SOAT1: variants seen among roughly 807,000 people sequenced by gnomAD.
SOAT1 encodes the protein sterol O-acyltransferase 1.
A neutral mutation model predicts 69.5 loss-of-function variants in SOAT1; 55 were observed. The observed-to-expected ratio is 0.79, with a 90% CI of 0.64 to 0.99. The LOEUF is 0.99. SOAT1 is among the 50% of genes least tolerant of loss of function. SOAT1 has a pLI of 0.00. For synonymous variants in SOAT1, 231 were observed against 224.7 expected (o/e 1.03, Z -0.25); for missense variants, 580 against 669.3 (o/e 0.87, Z 1.47).
chr1:179,323,300 T>C (rs149905810), intron 2 of SOAT1, 137 bp from the exon 3 acceptor site: 133 of 619,952 alleles, frequency 2.1e-4, no homozygotes, highest in Middle Eastern at 2.0e-3. Context: ...ATTTTGACCA[T>C]GCTGTCGTGT....
At chr1:179,306,513 A>G (rs1665008618) in intron 2 of SOAT1, among the ~76,000 whole-genome samples, 1 of 152,156 alleles carries the variant, frequency 6.6e-6, no homozygotes, top group African/African-American at 2.4e-5. Context: ...GTATTTGTTA[A>G]TGAGGGTTCC....
intron 12 of SOAT1, among the ~76,000 whole-genome samples, chr1:179,348,474 G>C (rs1446413344): frequency 2.6e-5 from 4 of 152,096 alleles, no homozygotes; most frequent in South Asian, 4.1e-4. Context: ...TGGTCTTCAT[G>C]ACCATAGAAT....
rs764303551 is a variant in SOAT1, at chr1:179,341,046, C to T, written c.516C>T (p.Ser172=). ...IDEGRLVLEF[S]LLSYAFGKFP... ...TCCCCAGGCTGGTGCTTGAGTTCAG[C>T]CTCCTGTCTTATGCTTTTGGCAAAT... is the stretch of plus-strand genomic sequence containing the variant. Residue 172 remains serine (S), a synonymous_variant, in exon 7 of 16, where the codon AGC becomes AGT. Transcript: ENST00000367619. 5.6e-6 allele frequency: 9 copies of T among 1,613,908 alleles called. No individual in the cohort carries two copies. The highest frequency in any genetic ancestry group is 6.8e-6 in the Non-Finnish European group (8 of 1,179,956).
rs143588101 is a variant in SOAT1, at chr1:179,306,729, G to A, written c.118+3927G>A. Among the ~76,000 whole-genome samples the A allele has an allele frequency of 7.1e-3, 1,078 of 151,566 alleles. 12 individuals are homozygous for A. The highest frequency in any genetic ancestry group is 0.024 in the African/African-American group (991 of 41,278). On this transcript the variant is annotated intron_variant, in intron 2 of 15. Transcript: ENST00000367619. The stretch of plus-strand genomic sequence containing the variant: ...CACCAGTAGTCCCAGCTACTGGGAG[G>A]CTGAGGCAGGAGAATGGCGTGAACC...
At position 179,353,577 on chromosome 1, in the gene SOAT1, C is replaced by T; in HGVS notation, c.1597-8C>T. ...TTATTTTTCCATTCTTATTTTTCCC[C>T]ACTGCAGCCCACATTTTTGGATTAT... is the stretch of plus-strand genomic sequence containing the variant. On this transcript the variant is annotated splice_polypyrimidine_tract_variant and splice_region_variant and intron_variant, in intron 15 of 15. Coordinates refer to ENST00000367619, the MANE Select transcript of SOAT1 (RefSeq NM_003101.6). 3.7e-6 allele frequency: 6 copies of T among 1,612,334 alleles called. No homozygotes were observed. Among genetic ancestry groups the T allele is most frequent in the Non-Finnish European group, 5.1e-6 (6 of 1,178,550 alleles).
intron 7 of SOAT1, 173 bp from the exon 8 acceptor site, chr1:179,341,941 C>A: frequency 2.3e-6 from 1 of 441,366 alleles, no homozygotes; most frequent in Non-Finnish European, 3.0e-6. Context: ...TTTGAAATGT[C>A]AGATTCATTG....
chr1:179,351,021 C>CTTTTTTTTTTTTTTTTTTT (rs201449849), intron 14 of SOAT1, among the ~76,000 whole-genome samples: 12 of 127,586 alleles, frequency 9.4e-5, no homozygotes, highest in South Asian at 5.0e-4. Context: ...ATATTTCTTT[C>CTTTTTTTTTTTTTTTTTTT]TTTTTTTTTT....
chr1:179,306,328 GAC>G (rs1437452580), intron 2 of SOAT1, among the ~76,000 whole-genome samples: 1 of 152,158 alleles, frequency 6.6e-6, no homozygotes, highest in Non-Finnish European at 1.5e-5. Context: ...CTCTAAATTT[GAC>G]ACATGCACAT....
chr1:179,298,078 G>T (rs1460015676), intron 1 of SOAT1, among the ~76,000 whole-genome samples: 1 of 151,728 alleles, frequency 6.6e-6, no homozygotes, highest in Non-Finnish European at 1.5e-5. Flanking sequence ...CTAGATCATG[G>T]TAAGGACTTA....
intron 14 of SOAT1, among the ~76,000 whole-genome samples, 199 bp from the exon 15 acceptor site, chr1:179,351,118 A>G (rs568467469): frequency 7.0e-6 from 1 of 143,182 alleles, no homozygotes; most frequent in Non-Finnish European, 1.5e-5. Flanking sequence ...ATCTCAGCTC[A>G]CTGCAACCTC....
chr1:179,298,310 G>C (rs544422370), intron 1 of SOAT1, among the ~76,000 whole-genome samples: 1 of 151,888 alleles, frequency 6.6e-6, no homozygotes, highest in Non-Finnish European at 1.5e-5. Flanking sequence ...GGATGGTCTC[G>C]ATCTCCTGAC....
At chr1:179,310,203 T>TA (rs1409598726) in intron 2 of SOAT1, among the ~76,000 whole-genome samples, 15 of 114,832 alleles carry the variant, frequency 1.3e-4, no homozygotes, top group Admixed American at 3.3e-4. Flanking sequence ...CCTGGCTGCT[T>TA]ATAGATATTT....
At chr1:179,320,698 A>G (rs1665566169) in intron 2 of SOAT1, among the ~76,000 whole-genome samples, 1 of 152,120 alleles carries the variant, frequency 6.6e-6, no homozygotes, top group Admixed American at 6.5e-5. Flanking sequence ...TGCATCAGAT[A>G]TTATAAAGTT....
chr1:179,323,107 C>T (rs1297044056), intron 2 of SOAT1, among the ~76,000 whole-genome samples: 9 of 98,594 alleles, frequency 9.1e-5, no homozygotes, highest in African/African-American at 3.5e-4. Flanking sequence ...AAAAGGTTTT[C>T]GTTTTTTAAT....
intron 6 of SOAT1, 50 bp downstream of exon 6, chr1:179,339,595 G>A: frequency 7.9e-7 from 1 of 1,264,148 alleles, no homozygotes; most frequent in South Asian, 1.3e-5. Flanking sequence ...AGAAGTTAGA[G>A]GTTTTCACTA....
At chr1:179,299,776 C>T (rs1258460919) in intron 1 of SOAT1, among the ~76,000 whole-genome samples, 13 of 47,016 alleles carry the variant, frequency 2.8e-4, no homozygotes, top group African/African-American at 9.8e-4. Context: ...TTTTTTGAGA[C>T]GGAGTCTTGC....
chr1:179,336,167 AGACT>A (rs1318373878), intron 4 of SOAT1, among the ~76,000 whole-genome samples: 1 of 144,558 alleles, frequency 6.9e-6, no homozygotes, highest in South Asian at 2.2e-4. Context: ...AAAAAAAAAA[AGACT>A]GACTAATAAG....
In SOAT1 at chr1:179,328,064, C is replaced by T. The variant is rs76095309; in HGVS notation, c.177+4569C>T. The stretch of plus-strand genomic sequence containing the variant: ...GAGATTCATATGATTAAGTCCCAAC[C>T]AACTTACATTAACAATTAAATTACC... On this transcript the variant is annotated intron_variant, in intron 3 of 15. Transcript: ENST00000367619. Among the ~76,000 whole-genome samples, 1,035 of 152,214 alleles carry T rather than the reference C, an allele frequency of 6.8e-3. 18 individuals carry two copies. Among genetic ancestry groups the T allele is most frequent in the African/African-American group, 0.024 (994 of 41,518 alleles).
At chr1:179,329,501 G>T (rs1007735867) in intron 3 of SOAT1, among the ~76,000 whole-genome samples, 1 of 151,956 alleles carries the variant, frequency 6.6e-6, no homozygotes, top group South Asian at 2.1e-4. Context: ...TGAGGCTGGC[G>T]GATCACATGA....
Sources: gnomAD v4.1 joint callset for allele counts (sites outside exome capture counted in the v4.1 genomes callset) on GRCh38, gnomAD v4.1.1 for gene constraint, MANE v1.5 for transcripts, NCBI Gene and HGNC (gene_info 2026-07-23, HGNC 2026-07-21) for gene names.